Variants in MUC17 observed in about 807,000 individuals in gnomAD.
The protein encoded by MUC17 is mucin 17, cell surface associated, also known as mucin-17.
In MUC17, 190 loss-of-function variants were observed where a neutral mutation model predicts 170.3. The observed-to-expected ratio is 1.12, with a 90% CI of 0.99 to 1.26. The LOEUF (loss-of-function observed/expected upper bound fraction) is 1.26. Among genes scored for constraint, MUC17 ranks in the 50% most tolerant of loss-of-function variants. MUC17 has a pLI of 0.00. For synonymous variants in MUC17, 2,325 were observed against 2,002.5 expected, an observed-to-expected ratio of 1.16 and a Z score of -4.30; for missense variants, 6,415 against 5,530.0, an observed-to-expected ratio of 1.16 and a Z score of -5.08.
At position 101,039,219 on chromosome 7, in the gene MUC17, C is replaced by A. The variant is rs1794601239; in HGVS notation, c.7803C>A (p.Thr2601=). The change falls in exon 3 of 13, where the codon ACC becomes ACA. Residue 2601 remains threonine (T), a synonymous_variant. Transcript: ENST00000306151. ...ASTLSTTPVD[T]SIPVTTSTET... The stretch of plus-strand genomic sequence containing the variant: ...CTCTTTCAACAACTCCTGTTGACAC[C>A]AGCATACCTGTCACCACTTCTACTG... 1.9e-6 allele frequency: 3 copies of A among 1,613,598 alleles called. No individual in the cohort carries two copies. The African/African-American group carries it at 4.0e-5, about 22-fold the overall frequency.
Position 101,043,556 on chromosome 7 carries a change from C to T in MUC17, c.12140C>T (p.Pro4047Leu). The T allele has an allele frequency of 3.1e-6, 5 of 1,614,214 alleles. No homozygotes were observed. Among genetic ancestry groups the T allele is most frequent in the Non-Finnish European group, 4.2e-6 (5 of 1,180,044 alleles). The change falls in exon 3 of 13, where the codon CCT (proline) becomes CTT (leucine). Residue 4047 changes from proline to leucine, a missense_variant. By Grantham distance (98) the Pro-to-Leu change is moderately conservative. Coordinates refer to ENST00000306151, the MANE Select transcript of MUC17 (RefSeq NM_001040105.2). Reference sequence around the variant, plus strand: ...TCTGTCACCACCCGTCCTGTGACCCCTTCATCAGAATCCAGCAGGCCGTCA... The same window carrying T: ...TCTGTCACCACCCGTCCTGTGACCCTTTCATCAGAATCCAGCAGGCCGTCA... ...STSVTTRPVT[P>L]SSESSRPSTI...
In MUC17 at chr7:101,039,994, C is replaced by T; in HGVS notation, c.8578C>T (p.Pro2860Ser). 2 of 1,613,318 alleles carry T rather than the reference C, an allele frequency of 1.2e-6. No individual in the cohort carries two copies. The highest frequency in any genetic ancestry group is 2.2e-5 in the East Asian group (1 of 44,848). The change falls in exon 3 of 13, where the codon CCA (proline) becomes TCA (serine). Residue 2860 changes from proline (P) to serine (S), a missense_variant. Physicochemically the swap from Pro to Ser is moderately conservative, Grantham distance 74. Transcript: ENST00000306151. ...TACAACTGCTGAAGGTATCGTCGTG[C>T]CAATCTCAACTGCTAGTGAAGGAAG... ...SPTTAEGIVVPISTASEGSTL... is the reference protein window; with the variant it reads ...SPTTAEGIVVSISTASEGSTL...
chr7:101,021,619 C>T (rs1052316521), intron 1 of MUC17, among the ~76,000 whole-genome samples: 1 of 152,146 alleles, frequency 6.6e-6, no homozygotes, highest in Non-Finnish European at 1.5e-5. Flanking sequence ...CCACTTTCTG[C>T]GTGTTATCAT....
At chr7:101,057,756 T>G (rs1470375220) in intron 12 of MUC17, among the ~76,000 whole-genome samples, 1 of 152,120 alleles carries the variant, frequency 6.6e-6, no homozygotes, top group East Asian at 1.9e-4. Context: ...TGTGTGCACA[T>G]GTAGTCCTAG....
chr7:101,024,738 C>CTTTTTTTTTTTTT (rs35811119), intron 1 of MUC17, among the ~76,000 whole-genome samples: 2 of 125,464 alleles, frequency 1.6e-5, no homozygotes. Flanking sequence ...CTGTCTCCTC[C>CTTTTTTTTTTTTT]TTTTTTTTTT....
At position 101,039,077 on chromosome 7, in the gene MUC17, C is replaced by T; in HGVS notation, c.7661C>T (p.Ser2554Leu). The T allele has an allele frequency of 6.2e-7, 1 of 1,613,414 alleles. No homozygotes were observed. The highest frequency in any genetic ancestry group is 1.1e-5 in the South Asian group (1 of 91,036). The change falls in exon 3 of 13, where the codon TCA becomes TTA. Residue 2554 changes from serine to leucine, a missense_variant. Transcript: ENST00000306151. ...SPVVTSTEISSSATSAEGTSM... is the reference protein window; with the variant it reads ...SPVVTSTEISLSATSAEGTSM... ...GTGGTCACTTCTACTGAAATCAGTT[C>T]ATCTGCTACATCCGCTGAAGGTACC...
rs1794767140 is a variant in MUC17 at position 101,043,211 on chromosome 7, G to A, written c.11795G>A (p.Gly3932Glu). 1.9e-6 allele frequency: 3 copies of A among 1,614,070 alleles called. No homozygotes were observed. The highest frequency in any genetic ancestry group is 2.5e-6 in the Non-Finnish European group (3 of 1,180,024). The part of the protein sequence containing the change: ...TTISVSVITE[G>E]STPGTTIFIP... ...ATATCTGTATCAGTGATCACAGAAG[G>A]AAGCACACCTGGGACAACCATTTTT... Residue 3932 changes from glycine (G) to glutamate (E), a missense_variant, in exon 3 of 13, where the codon GGA becomes GAA. Transcript: ENST00000306151.
At chr7:101,052,438 G>A (rs560176142) in intron 9 of MUC17, among the ~76,000 whole-genome samples, 15 of 152,292 alleles carry the variant, frequency 9.8e-5, no homozygotes, top group South Asian at 4.1e-4. Context: ...CATCAGGTGC[G>A]GGAAGAAGCC....
At position 101,035,217 on chromosome 7, in the gene MUC17, C is replaced by T. The variant is rs147997310; in HGVS notation, c.3801C>T (p.Ser1267=). Residue 1267 remains serine, a synonymous_variant, in exon 3 of 13, where the codon AGC becomes AGT. Transcript: ENST00000306151. ...SSSPTTAEGT[S]LPTSTTSEGS... is the part of the protein sequence containing the mutation. ...CTCCTACAACCGCTGAAGGTACCAG[C>T]TTGCCAACCTCAACTACTAGTGAAG... The T allele has an allele frequency of 6.2e-6, 10 of 1,609,404 alleles. No individual in the cohort carries two copies. The highest frequency in any genetic ancestry group is 8.5e-6 in the Non-Finnish European group (10 of 1,177,204).
At position 101,031,587 on chromosome 7, in the gene MUC17, T is replaced by G. The variant is rs1379156835; in HGVS notation, c.185-14T>G. 4.6e-6 allele frequency: 7 copies of G among 1,514,634 alleles called. No homozygotes were observed. The highest frequency in any genetic ancestry group is 4.5e-5 in the Admixed American group (2 of 44,190). The allele number at this position is 1,514,634 out of a possible 1,614,324, so 93.8% of individuals were successfully genotyped here. A position where few individuals can be genotyped will look rare whatever the true frequency, so the allele number is the denominator to read the frequency against. ...AAGAAACTTCTAAACAAAATATCAT[T>G]GTATCTTAAACAGGTTCTGCGGCAA... On this transcript the variant is annotated splice_polypyrimidine_tract_variant and intron_variant, in intron 2 of 12. Transcript: ENST00000306151.
chr7:101,050,318 C>G (rs1185661681), intron 6 of MUC17, among the ~76,000 whole-genome samples, 166 bp from the exon 7 acceptor site: 1 of 152,150 alleles, frequency 6.6e-6, no homozygotes, highest in Admixed American at 6.5e-5. Context: ...AGAGCCATCA[C>G]CCCAAACTGT....
chr7:101,056,518 C>CT (rs1455392109), intron 12 of MUC17, among the ~76,000 whole-genome samples: 1 of 152,222 alleles, frequency 6.6e-6, no homozygotes, highest in Non-Finnish European at 1.5e-5. Context: ...CTTCCCTACT[C>CT]TAAGTACATC....
chr7:101,024,411 A>T (rs1382651828), intron 1 of MUC17, among the ~76,000 whole-genome samples: 1 of 149,886 alleles, frequency 6.7e-6, no homozygotes, highest in South Asian at 2.1e-4. Context: ...AAAAAAAAAA[A>T]GAAAAAGAAG....
chr7:101,032,008 C>A lies in MUC17; in HGVS notation c.592C>A (p.Pro198Thr). ...CACTTCTACTCAGGCAAGTTCATCT[C>A]CTACTACTCCTGAAAGCACCACCAT... ...LTTSTQASSS[P>T]TTPESTTIPK... The change falls in exon 3 of 13, where the codon CCT becomes ACT. Residue 198 changes from proline to threonine, a missense_variant. Coordinates refer to ENST00000306151, the MANE Select transcript of MUC17 (RefSeq NM_001040105.2). 1.2e-6 allele frequency: 2 copies of A among 1,614,222 alleles called. No homozygotes were observed. Among genetic ancestry groups the A allele is most frequent in the Non-Finnish European group, 1.7e-6 (2 of 1,180,048 alleles).
At position 101,035,488 on chromosome 7, in the gene MUC17, TCAA is replaced by T; in HGVS notation, c.4077_4079del (p.Thr1360del). ...GGCCAGTTCTGCAATCAGCATCCTT[TCAA>T]CAACTCCTGTTGACAACAGCACACC... On this transcript the variant is annotated inframe_deletion, in exon 3 of 13. Coordinates refer to ENST00000306151, the MANE Select transcript of MUC17 (RefSeq NM_001040105.2). The T allele has an allele frequency of 6.2e-7, 1 of 1,602,396 alleles. No homozygotes were observed. The highest frequency in any genetic ancestry group is 8.5e-7 in the Non-Finnish European group (1 of 1,172,632).
At chr7:101,054,057 C>CAAAAAAAAAAAAAAAAAAA (rs58623975) in intron 11 of MUC17, among the ~76,000 whole-genome samples, 1 of 40,354 alleles carries the variant, frequency 2.5e-5, no homozygotes. Flanking sequence ...AAGACCCTGT[C>CAAAAAAAAAAAAAAAAAAA]AAAAAAAAAA....
chr7:101,047,729 G>A (rs1278719355), intron 3 of MUC17, among the ~76,000 whole-genome samples: 1 of 152,148 alleles, frequency 6.6e-6, no homozygotes, highest in African/African-American at 2.4e-5. Flanking sequence ...TACTCAGGAG[G>A]CTGAGGCAGG....
In MUC17 at chr7:101,033,478, A is replaced by T. The variant is rs137946487; in HGVS notation, c.2062A>T (p.Thr688Ser). 172 of 1,613,184 alleles carry T rather than the reference A, an allele frequency of 1.1e-4. No homozygotes were observed. The African/African-American group carries it at 2.1e-3, about 20-fold the overall frequency. Residue 688 changes from threonine (T) to serine (S), a missense_variant, in exon 3 of 13, where the codon ACT (threonine) becomes TCT (serine). Coordinates refer to ENST00000306151, the MANE Select transcript of MUC17 (RefSeq NM_001040105.2). ...MPTSTYTEGS[T>S]PLTSMPVNTT... The stretch of plus-strand genomic sequence containing the variant: ...AACCTCAACTTATACTGAAGGAAGC[A>T]CTCCATTAACAAGTATGCCTGTCAA...
chr7:101,027,767 A>T (rs1007673430), intron 1 of MUC17, among the ~76,000 whole-genome samples: 4 of 141,330 alleles, frequency 2.8e-5, no homozygotes, highest in Admixed American at 7.2e-5. Flanking sequence ...GATAATCTTT[A>T]AAAAAAAATT....
Sources: gnomAD v4.1 joint callset for allele counts (sites outside exome capture counted in the v4.1 genomes callset) on GRCh38, gnomAD v4.1.1 for gene constraint, MANE v1.5 for transcripts, NCBI Gene and HGNC (gene_info 2026-07-23, HGNC 2026-07-21) for gene names.